The following DRC4 variants were observed in gnomAD, a reference collection of about 807,000 sequenced individuals.
The protein encoded by DRC4 is GAS-11.
the DRC4 span, chr16:90,029,635 C>T: frequency 1.3e-5 from 3 of 222,272 alleles, no homozygotes; most frequent in Admixed American, 1.1e-4. Flanking sequence ...CAGAACCCCT[C>T]CTGCTGCTCC....
the DRC4 span, among the ~76,000 whole-genome samples, chr16:90,024,128 ACACACACACACT>A: frequency 6.4e-3 from 960 of 149,480 alleles, 9 homozygotes; most frequent in African/African-American, 0.022. Flanking sequence ...AAAAATACAC[ACACACACACACT>A]CACACACACA....
At chr16:90,037,947 T>C in the DRC4 span, 1 of 1,048,192 alleles carries the variant, frequency 9.5e-7, no homozygotes, top group Admixed American at 1.7e-5. Context: ...GGCCCTGCAG[T>C]GGGGATGGCA....
the DRC4 span, among the ~76,000 whole-genome samples, chr16:90,026,299 G>T: frequency 2.6e-5 from 4 of 152,256 alleles, no homozygotes; most frequent in South Asian, 8.3e-4. Flanking sequence ...CCACAAGGGG[G>T]TGGGGTTAGA....
the DRC4 span, chr16:90,043,254 T>C: frequency 1.9e-6 from 3 of 1,613,606 alleles, no homozygotes; most frequent in East Asian, 2.2e-5. Flanking sequence ...GGGATCCCTC[T>C]GGACAACGTG....
the DRC4 span, chr16:90,029,318 G>A: frequency 2.9e-6 from 4 of 1,364,426 alleles, no homozygotes; most frequent in Non-Finnish European, 3.9e-6. Flanking sequence ...GGAGACTCCT[G>A]CCCCGCAGCA....
the DRC4 span, chr16:90,042,499 C>T: frequency 6.2e-7 from 1 of 1,613,910 alleles, no homozygotes; most frequent in Non-Finnish European, 8.5e-7. Context: ...ACAGCACCAT[C>T]AAGGACCTGC....
chr16:90,028,990 C>A, the DRC4 span: 16 of 1,305,154 alleles, frequency 1.2e-5, no homozygotes, highest in Non-Finnish European at 1.6e-5. Flanking sequence ...GTGATGGGGT[C>A]AGGTTTGTGT....
chr16:90,036,695 C>T, the DRC4 span: 4 of 937,492 alleles, frequency 4.3e-6, no homozygotes, highest in Admixed American at 4.0e-5. Context: ...ACACCCAGTA[C>T]TTTTTATAAG....
At chr16:90,027,816 C>T in the DRC4 span, 1 of 1,192,348 alleles carries the variant, frequency 8.4e-7, no homozygotes. Flanking sequence ...CCATGTGGAT[C>T]CACCCTTCTG....
At chr16:90,027,956 G>T in the DRC4 span, 1 of 525,898 alleles carries the variant, frequency 1.9e-6, no homozygotes, top group Non-Finnish European at 3.4e-6. Context: ...GTAGGAGTGT[G>T]GAAGGACATG....
chr16:90,033,958 C>T, the DRC4 span, among the ~76,000 whole-genome samples: 3 of 151,374 alleles, frequency 2.0e-5, no homozygotes, highest in Non-Finnish European at 2.9e-5. Flanking sequence ...GGGAGAGGGT[C>T]AGAGCTTGTC....
the DRC4 span, chr16:90,019,983 G>C: frequency 1.4e-6 from 1 of 698,464 alleles, no homozygotes; most frequent in Non-Finnish European, 2.6e-6. The surrounding 1 kb of genome is among the most constrained non-coding windows in gnomAD (Gnocchi z 6.1). Context: ...CGGCGGGCCC[G>C]GGCTGCAGAG....
chr16:90,024,121 A>AACACACACAC, the DRC4 span, among the ~76,000 whole-genome samples: 1 of 84,272 alleles, frequency 1.2e-5, no homozygotes, highest in Non-Finnish European at 2.7e-5. Flanking sequence ...CTTTACTAAA[A>AACACACACAC]ATACACACAC....
the DRC4 span, among the ~76,000 whole-genome samples, chr16:90,041,091 G>A: frequency 2.0e-5 from 3 of 152,200 alleles, no homozygotes; most frequent in Non-Finnish European, 4.4e-5. Flanking sequence ...TGGGGGAGGC[G>A]TGTTTCCAGC....
At chr16:90,031,137 G>A in the DRC4 span, 639 of 1,476,694 alleles carry the variant, frequency 4.3e-4, 9 homozygotes, top group South Asian at 6.7e-3. Flanking sequence ...TTCTGTCTCC[G>A]GAGCTTCCTA....
chr16:90,043,524 C>T, the DRC4 span: 1 of 654,862 alleles, frequency 1.5e-6, no homozygotes, highest in Non-Finnish European at 2.6e-6. Context: ...GCAGGACCCT[C>T]ACCCATGGTG....
the DRC4 span, chr16:90,044,814 TCA>T: frequency 8.7e-4 from 232 of 266,756 alleles, no homozygotes; most frequent in African/African-American, 5.1e-3. Context: ...CTTTAGGAAA[TCA>T]CAACACAGAG....
the DRC4 span, chr16:90,028,788 C>T: frequency 6.7e-6 from 4 of 595,732 alleles, no homozygotes; most frequent in Non-Finnish European, 1.0e-5. Context: ...GCTGTGTCAA[C>T]TCTGTGTTAT....
At chr16:90,042,855 T>A in the DRC4 span, 1 of 502,280 alleles carries the variant, frequency 2.0e-6, no homozygotes, top group Non-Finnish European at 3.6e-6. Flanking sequence ...ACAGACGTCA[T>A]TCAACAGGGG....
Sources: gnomAD v4.1 joint callset for allele counts (sites outside exome capture counted in the v4.1 genomes callset) on GRCh38, gnomAD v4.1.1 for gene constraint, Gnocchi (gnomAD v3.1) non-coding constraint, MANE v1.5 for transcripts, NCBI Gene and HGNC (gene_info 2026-07-23, HGNC 2026-07-21) for gene names.